Variants in STXBP5L observed in about 807,000 individuals in gnomAD.
The protein encoded by STXBP5L is syntaxin-binding protein 5-like.
In STXBP5L, 65 loss-of-function variants were observed where a neutral mutation model predicts 144.5. That is an observed-to-expected ratio of 0.45 (90% CI 0.37 to 0.55). STXBP5L has a LOEUF of 0.55. Among genes scored for constraint, STXBP5L ranks in the 20% least tolerant of loss-of-function variants. The pLI is 0.00. For missense variants in STXBP5L, 1,298 were observed against 1,405.5 expected (o/e 0.92, Z 1.22); for synonymous variants, 505 against 469.6 (o/e 1.08, Z -0.97).
intron 5 of STXBP5L, among the ~76,000 whole-genome samples, chr3:121,101,904 A>T (rs2043445752): frequency 6.6e-6 from 1 of 151,562 alleles, no homozygotes; most frequent in Non-Finnish European, 1.5e-5. Flanking sequence ...AGTCAGTAGC[A>T]TTTCTATCTA....
chr3:120,975,137 G>T (rs139072279), intron 3 of STXBP5L, among the ~76,000 whole-genome samples: 2 of 152,196 alleles, frequency 1.3e-5, no homozygotes, highest in Admixed American at 6.5e-5. Context: ...CTTGGGCAGT[G>T]TGGCCATTTT....
intron 2 of STXBP5L, among the ~76,000 whole-genome samples, chr3:120,952,117 G>C (rs1711286268): frequency 6.8e-6 from 1 of 146,120 alleles, no homozygotes. Context: ...AGAACACATG[G>C]ATACAGGAAG....
intron 19 of STXBP5L, 21 bp downstream of exon 19, chr3:121,279,977 A>C (rs1203916033): frequency 1.2e-6 from 2 of 1,607,100 alleles, no homozygotes; most frequent in Non-Finnish European, 1.7e-6. Context: ...AAACAAGATG[A>C]GTTATGAACT....
intron 20 of STXBP5L, among the ~76,000 whole-genome samples, chr3:121,353,961 AG>A (rs1173331966): frequency 6.6e-6 from 1 of 152,100 alleles, no homozygotes; most frequent in Non-Finnish European, 1.5e-5. Context: ...TTCAGTGGCA[AG>A]TTGTTCAGTT....
intron 3 of STXBP5L, among the ~76,000 whole-genome samples, chr3:121,008,079 G>C (rs558709762): frequency 6.6e-6 from 1 of 151,782 alleles, no homozygotes; most frequent in Admixed American, 6.6e-5. Flanking sequence ...TGCTATTTTA[G>C]GTTTCTTTCC....
At chr3:121,311,290 G>A (rs1190596384) in intron 19 of STXBP5L, among the ~76,000 whole-genome samples, 2 of 152,096 alleles carry the variant, frequency 1.3e-5, no homozygotes, top group East Asian at 1.9e-4. Flanking sequence ...GACAGCCCCT[G>A]TCATTACCAT....
chr3:121,049,249 T>C (rs1947759900), intron 5 of STXBP5L, among the ~76,000 whole-genome samples: 1 of 151,858 alleles, frequency 6.6e-6, no homozygotes, highest in Non-Finnish European at 1.5e-5. Context: ...CTTGAGGGCA[T>C]CAGTGGGGAA....
At chr3:121,369,995 G>A (rs548777473) in intron 20 of STXBP5L, among the ~76,000 whole-genome samples, 18 of 152,116 alleles carry the variant, frequency 1.2e-4, no homozygotes, top group Non-Finnish European at 1.9e-4. Flanking sequence ...GGGCCTGATC[G>A]GCAGTGATTG....
At chr3:121,009,210 C>G (rs1177870809) in intron 3 of STXBP5L, among the ~76,000 whole-genome samples, 1 of 151,916 alleles carries the variant, frequency 6.6e-6, no homozygotes, top group Non-Finnish European at 1.5e-5. Context: ...TTTTTAGTGT[C>G]TCTTCAGTGG....
chr3:120,913,598 G>C (rs1184804033), intron 2 of STXBP5L, among the ~76,000 whole-genome samples: 1 of 151,940 alleles, frequency 6.6e-6, no homozygotes, highest in Non-Finnish European at 1.5e-5. Flanking sequence ...AAATGACTAC[G>C]TTTTTCTGTT....
At chr3:121,276,246 G>T (rs982123606) in intron 18 of STXBP5L, among the ~76,000 whole-genome samples, 2 of 151,832 alleles carry the variant, frequency 1.3e-5, no homozygotes, top group Non-Finnish European at 2.9e-5. Context: ...TAAATGGAAT[G>T]ATACCACTTT....
At chr3:121,154,043 C>A (rs2046030209) in intron 8 of STXBP5L, among the ~76,000 whole-genome samples, 1 of 151,778 alleles carries the variant, frequency 6.6e-6, no homozygotes, top group Non-Finnish European at 1.5e-5. Context: ...AATGCTGAAT[C>A]ATCTAGCTTT....
intron 7 of STXBP5L, among the ~76,000 whole-genome samples, chr3:121,124,792 A>G (rs1486054444): frequency 6.6e-6 from 1 of 152,046 alleles, no homozygotes; most frequent in Non-Finnish European, 1.5e-5. Context: ...ACCCCAGTGC[A>G]GTGTTGAGTA....
intron 7 of STXBP5L, among the ~76,000 whole-genome samples, chr3:121,129,964 C>G (rs141080217): frequency 2.4e-4 from 37 of 152,038 alleles, no homozygotes; most frequent in African/African-American, 8.9e-4. Context: ...TTTACTTCCC[C>G]TAAGAAAGTG....
At chr3:121,034,697 T>A (rs1009519363) in intron 3 of STXBP5L, among the ~76,000 whole-genome samples, 2 of 152,180 alleles carry the variant, frequency 1.3e-5, no homozygotes, top group African/African-American at 4.8e-5. Flanking sequence ...AGTGGAATTA[T>A]CTTTTTGGTA....
intron 3 of STXBP5L, among the ~76,000 whole-genome samples, chr3:120,982,804 C>T (rs147992053): frequency 6.6e-6 from 1 of 152,270 alleles, no homozygotes; most frequent in Non-Finnish European, 1.5e-5. Context: ...TTGTGGTGGA[C>T]TGGGCTAGGC....
At chr3:120,998,793 A>G (rs1477402013) in intron 3 of STXBP5L, among the ~76,000 whole-genome samples, 1 of 152,200 alleles carries the variant, frequency 6.6e-6, no homozygotes, top group Admixed American at 6.5e-5. Flanking sequence ...ACAAAAATCT[A>G]GGAATGCAGC....
At chr3:120,980,647 A>C (rs1941671161) in intron 3 of STXBP5L, among the ~76,000 whole-genome samples, 1 of 152,104 alleles carries the variant, frequency 6.6e-6, no homozygotes, top group Admixed American at 6.5e-5. Context: ...CTTCTTTTTT[A>C]AAATTCATTC....
At chr3:121,043,767 T>G (rs1337267313) in intron 4 of STXBP5L, among the ~76,000 whole-genome samples, 4 of 152,180 alleles carry the variant, frequency 2.6e-5, no homozygotes, top group Admixed American at 6.6e-5. Flanking sequence ...TATTTAGGTA[T>G]TACTGTAAGA....
Sources: gnomAD v4.1 joint callset for allele counts (sites outside exome capture counted in the v4.1 genomes callset) on GRCh38, gnomAD v4.1.1 for gene constraint, MANE v1.5 for transcripts, NCBI Gene and HGNC (gene_info 2026-07-23, HGNC 2026-07-21) for gene names.